The following MYO7B variants were observed in gnomAD, a reference collection of about 807,000 sequenced individuals.
MYO7B encodes unconventional myosin-VIIb.
Under a neutral mutation model 259.7 loss-of-function variants are expected in MYO7B, and 212 were observed. The observed-to-expected ratio is 0.82, with a 90% CI of 0.73 to 0.91. The LOEUF (loss-of-function observed/expected upper bound fraction) is 0.91, where lower values mean the gene tolerates loss of function less well. MYO7B is among the 40% of genes least tolerant of loss of function. The pLI, the probability that MYO7B is intolerant of heterozygous loss-of-function variation, is 0.00. For synonymous variants in MYO7B, 1,197 were observed against 1,166.4 expected, an observed-to-expected ratio of 1.03 and a Z score of -0.54; for missense variants, 2,732 against 2,813.5, an observed-to-expected ratio of 0.97 and a Z score of 0.66.
intron 1 of MYO7B, among the ~76,000 whole-genome samples, chr2:127,537,898 C>A (rs181339772): frequency 6.6e-6 from 1 of 152,164 alleles, no homozygotes; most frequent in Non-Finnish European, 1.5e-5. Context: ...CGGCAGAAGA[C>A]GAGCTCAGGA....
At chr2:127,545,426 C>A (rs1257172531) in intron 1 of MYO7B, among the ~76,000 whole-genome samples, 1 of 152,180 alleles carries the variant, frequency 6.6e-6, no homozygotes, top group Non-Finnish European at 1.5e-5. Context: ...GGGTGAGCAG[C>A]CGCATGCTGG....
chr2:127,635,537 G>A (rs1365916795), intron 43 of MYO7B, 185 bp from the exon 44 acceptor site: 20 of 696,730 alleles, frequency 2.9e-5, no homozygotes, highest in Non-Finnish European at 4.7e-5. Context: ...TCACCTCCAC[G>A]CAGATGTCAG....
chr2:127,610,661 G>T (rs1680349176), intron 24 of MYO7B, among the ~76,000 whole-genome samples: 1 of 152,228 alleles, frequency 6.6e-6, no homozygotes, highest in Non-Finnish European at 1.5e-5. Flanking sequence ...TGAATTACAT[G>T]CAGTGACAGC....
intron 36 of MYO7B, 108 bp downstream of exon 36, chr2:127,631,016 G>T: frequency 7.2e-7 from 1 of 1,387,774 alleles, no homozygotes; most frequent in Non-Finnish European, 9.8e-7. Context: ...CACCCACTGA[G>T]AGCTGCAGAG....
At chr2:127,603,401 T>C (rs1459852469) in intron 19 of MYO7B, among the ~76,000 whole-genome samples, 1 of 152,232 alleles carries the variant, frequency 6.6e-6, no homozygotes, top group Non-Finnish European at 1.5e-5. Context: ...GGCTGCAGAA[T>C]GGATGCTTTG....
intron 24 of MYO7B, 96 bp from the exon 25 acceptor site, chr2:127,612,154 G>A: frequency 2.1e-6 from 1 of 485,822 alleles, no homozygotes; most frequent in South Asian, 1.6e-5. Flanking sequence ...ATGGCTGGGT[G>A]AAAGGGACAC....
Position 127,613,165 on chromosome 2 carries a change from T to C in MYO7B, c.3398+562T>C, listed in dbSNP as rs1680452548. Among the ~76,000 whole-genome samples the C allele has an allele frequency of 6.6e-6, 1 of 152,246 alleles. No homozygotes were observed. Among genetic ancestry groups the C allele is most frequent in the South Asian group, 2.1e-4 (1 of 4,832 alleles). ...GTCATTATTTCTTCACATATTTTTCTACCCCATTCTGTCTCTCTCCTTTCC... is the reference window on the plus strand; with the variant it reads ...GTCATTATTTCTTCACATATTTTTCCACCCCATTCTGTCTCTCTCCTTTCC... On this transcript the variant is annotated intron_variant, in intron 26 of 47. Transcript: ENST00000409816. This position sits in a 1 kb window ranked among gnomAD's most constrained non-coding sequence, Gnocchi z 4.3.
Position 127,609,553 on chromosome 2 carries a change from A to G in MYO7B, c.2862A>G (p.Thr954=), listed in dbSNP as rs760499521. The change falls in exon 23 of 48, where the codon ACA becomes ACG. Residue 954 remains threonine (T), a synonymous_variant. Transcript: ENST00000409816. This position sits in a 1 kb window ranked among gnomAD's most constrained non-coding sequence, Gnocchi z 6.9. ...AGCTGCTTGAGGTTGACCTGGACAC[A>G]GTCCCCATGGCGGAGGAGCCTGAGG... ...TQKLLEVDLD[T]VPMAEEPEED... is the part of the protein sequence containing the mutation. 1.2e-5 allele frequency: 19 copies of G among 1,613,856 alleles called. No individual in the cohort carries two copies. The Admixed American group carries it at 3.0e-4, about 25-fold the overall frequency.
chr2:127,585,255 T>A lies in MYO7B; in HGVS notation c.1690+342T>A, dbSNP rs1364978374. Among the ~76,000 whole-genome samples the A allele has an allele frequency of 6.6e-6, 1 of 152,174 alleles. No individual in the cohort carries two copies. The highest frequency in any genetic ancestry group is 1.5e-5 in the Non-Finnish European group (1 of 68,032). On this transcript the variant is annotated intron_variant, in intron 14 of 47. Coordinates refer to ENST00000409816, the MANE Select transcript of MYO7B (RefSeq NM_001393586.1). The surrounding 1 kb of genome is among the most constrained non-coding windows in gnomAD (Gnocchi z 4.3). ...AACCCCTCATGAGCAACCACTCCCA[T>A]TTCCCCCCAGCCCTGGGCAACAATT...
rs149177269 is a variant in MYO7B at position 127,594,496 on chromosome 2, C to T, written c.2244+852C>T. ...TCTGTCCATTTGGCTGTGCAGTAGTCAGGCTGTTCTGGGTCTCAGAGGCTA... is the reference window on the plus strand; with the variant it reads ...TCTGTCCATTTGGCTGTGCAGTAGTTAGGCTGTTCTGGGTCTCAGAGGCTA... On this transcript the variant is annotated intron_variant, in intron 18 of 47. Coordinates refer to ENST00000409816, the MANE Select transcript of MYO7B (RefSeq NM_001393586.1). 2.5e-3 allele frequency among the ~76,000 whole-genome samples: 377 copies of T among 152,322 alleles called. 3 individuals are homozygous for T. Among genetic ancestry groups the T allele is most frequent in the African/African-American group, 8.6e-3 (359 of 41,568 alleles).
intron 2 of MYO7B, among the ~76,000 whole-genome samples, chr2:127,563,783 T>G (rs979889217): frequency 1.3e-5 from 2 of 152,206 alleles, no homozygotes; most frequent in Non-Finnish European, 2.9e-5. Flanking sequence ...AGGATGCAAC[T>G]CTTGCTACCG....
chr2:127,636,735 AAC>A lies in MYO7B; in HGVS notation c.6208-51_6208-50del. 1.9e-6 allele frequency: 3 copies of A among 1,611,804 alleles called. No homozygotes were observed. The highest frequency in any genetic ancestry group is 2.2e-5 in the East Asian group (1 of 44,834). Reference sequence around the variant, plus strand: ...GTGTCCTGCCTCTCTCCTGTCCCCTAACACACACAGAGCCCGTGCTCTGGAGG... The same window carrying A: ...GTGTCCTGCCTCTCTCCTGTCCCCTAACACACAGAGCCCGTGCTCTGGAGG... On this transcript the variant is annotated intron_variant, in intron 46 of 47. Coordinates refer to ENST00000409816, the MANE Select transcript of MYO7B (RefSeq NM_001393586.1). The surrounding 1 kb of genome is among the most constrained non-coding windows in gnomAD (Gnocchi z 4.5).
chr2:127,618,492 G>C (rs929682610), intron 26 of MYO7B, among the ~76,000 whole-genome samples: 4 of 152,200 alleles, frequency 2.6e-5, no homozygotes, highest in Admixed American at 2.6e-4. Context: ...GTGCCCTGTA[G>C]ATAATCACAA....
rs555859431 is a variant in MYO7B, at chr2:127,627,152, G to A, written c.4334-32G>A. On this transcript the variant is annotated intron_variant, in intron 32 of 47. Transcript: ENST00000409816. The surrounding 1 kb of genome is among the most constrained non-coding windows in gnomAD (Gnocchi z 5.6). The stretch of plus-strand genomic sequence containing the variant: ...TGGGCTGGGCACCCAGGGGTCCCAT[G>A]CAGCCTTCACACTGCCGTCTCTCCT... 4 of 1,603,988 alleles carry A rather than the reference G, an allele frequency of 2.5e-6. No individual in the cohort carries two copies. The highest frequency in any genetic ancestry group is 1.3e-5 in the African/African-American group (1 of 74,872).
intron 21 of MYO7B, among the ~76,000 whole-genome samples, chr2:127,608,244 G>A (rs922038992): frequency 1.3e-5 from 2 of 152,212 alleles, no homozygotes; most frequent in Non-Finnish European, 2.9e-5. Flanking sequence ...CCATAGACAC[G>A]TCAGCAGCAT....
In MYO7B at chr2:127,636,768, G is replaced by T; in HGVS notation, c.6208-26G>T. 1 of 1,612,538 alleles carries T rather than the reference G, an allele frequency of 6.2e-7. No homozygotes were observed. The highest frequency in any genetic ancestry group is 1.1e-5 in the South Asian group (1 of 90,984). The stretch of plus-strand genomic sequence containing the variant: ...CAGAGCCCGTGCTCTGGAGGCGTCC[G>T]GCCCACCCACCCTCTCTGCCCCCAG... On this transcript the variant is annotated intron_variant, in intron 46 of 47. Coordinates refer to ENST00000409816, the MANE Select transcript of MYO7B (RefSeq NM_001393586.1). This position sits in a 1 kb window ranked among gnomAD's most constrained non-coding sequence, Gnocchi z 4.5.
In MYO7B at chr2:127,635,194, G is replaced by A; in HGVS notation, c.5788G>A (p.Val1930Met). ...GCTCAACATATCTCCAGGGAAGGAT[G>A]TGAATGCAGACACCATACTCCATTA... ...LWLNISPGKD[V>M]NADTILHYHQ... is the part of the protein sequence containing the mutation. The change falls in exon 43 of 48, where the codon GTG becomes ATG. Residue 1930 changes from valine to methionine, a missense_variant. Transcript: ENST00000409816. 2 of 1,613,666 alleles carry A rather than the reference G, an allele frequency of 1.2e-6. No individual in the cohort carries two copies. The highest frequency in any genetic ancestry group is 1.7e-6 in the Non-Finnish European group (2 of 1,179,748).
At chr2:127,596,375 C>G (rs1001865459) in intron 18 of MYO7B, 87 bp from the exon 19 acceptor site, 23 of 1,095,340 alleles carry the variant, frequency 2.1e-5, no homozygotes, top group Non-Finnish European at 3.0e-5. Context: ...CTGAGAGATG[C>G]TACCTTCGGG....
chr2:127,573,303 TTTGTGTGTG>T (rs1678723799), intron 6 of MYO7B, among the ~76,000 whole-genome samples: 1 of 152,254 alleles, frequency 6.6e-6, no homozygotes, highest in Non-Finnish European at 1.5e-5. Context: ...TTGTTCTAAC[TTTGTGTGTG>T]CAGGTGGACA....
Sources: allele counts gnomAD v4.1 joint callset (sites outside exome capture counted in the v4.1 genomes callset), GRCh38; gene constraint gnomAD v4.1.1; non-coding constraint Gnocchi (gnomAD v3.1); transcripts MANE v1.5; gene names NCBI Gene and HGNC (gene_info 2026-07-23, HGNC 2026-07-21).